TBC1D32: variants seen among roughly 807,000 people sequenced by gnomAD.
TBC1D32 encodes the protein TBC1 domain family member 32.
In TBC1D32, 151 loss-of-function variants were observed where a neutral mutation model predicts 170.3. The ratio of observed to expected loss-of-function variants is 0.89; its 90% CI spans 0.78 to 1.01. The LOEUF is 1.01. Ranked by LOEUF, TBC1D32 falls within the 50% of genes least tolerant of loss-of-function variation. The pLI is 0.00. For synonymous variants in TBC1D32, 498 were observed against 488.0 expected (o/e 1.02, Z -0.27); for missense variants, 1,464 against 1,457.1 (o/e 1.00, Z -0.08).
chr6:121,111,959 C>G (rs1384575103), intron 29 of TBC1D32, among the ~76,000 whole-genome samples: 1 of 152,012 alleles, frequency 6.6e-6, no homozygotes, highest in Admixed American at 6.6e-5. Flanking sequence ...ATAAAATAAA[C>G]ATAAACATTA....
intron 30 of TBC1D32, among the ~76,000 whole-genome samples, chr6:121,103,389 G>T (rs535262534): frequency 6.6e-6 from 1 of 152,036 alleles, no homozygotes; most frequent in African/African-American, 2.4e-5. Flanking sequence ...ATATACCATG[G>T]AATACTATGC....
At chr6:121,244,892 C>T (rs554788302) in intron 17 of TBC1D32, among the ~76,000 whole-genome samples, 7 of 152,296 alleles carry the variant, frequency 4.6e-5, no homozygotes, top group African/African-American at 1.7e-4. Context: ...CCTTGCCCAT[C>T]ACCTAAGAAA....
chr6:121,202,475 C>T (rs552482303), intron 22 of TBC1D32, among the ~76,000 whole-genome samples: 6 of 151,060 alleles, frequency 4.0e-5, no homozygotes, highest in Admixed American at 2.0e-4. Context: ...AGTGATCTAG[C>T]GATGAGCAGG....
At chr6:121,208,217 C>T (rs6925054) in intron 21 of TBC1D32, among the ~76,000 whole-genome samples, 146,353 of 152,066 alleles carry the variant, frequency 0.96, 70,686 homozygotes, top group East Asian at 1. Context: ...TATGTATTAG[C>T]CCATTCTCAC....
At chr6:121,094,936 A>G (rs1485903404) in intron 30 of TBC1D32, among the ~76,000 whole-genome samples, 1 of 130,760 alleles carries the variant, frequency 7.6e-6, no homozygotes, top group Non-Finnish European at 1.6e-5. Flanking sequence ...GTTAAACAAT[A>G]AATAGACATG....
intron 26 of TBC1D32, among the ~76,000 whole-genome samples, chr6:121,118,965 T>C (rs564190191): frequency 6.6e-6 from 1 of 152,274 alleles, no homozygotes; most frequent in Non-Finnish European, 1.5e-5. Flanking sequence ...ATTATGCAAT[T>C]ACCCCTGCCT....
intron 26 of TBC1D32, among the ~76,000 whole-genome samples, chr6:121,120,123 T>C (rs1057493250): frequency 2.6e-5 from 4 of 152,078 alleles, no homozygotes; most frequent in African/African-American, 9.7e-5. Context: ...GCTCAGTATA[T>C]CAAAATAATA....
intron 22 of TBC1D32, among the ~76,000 whole-genome samples, chr6:121,195,677 C>CA (rs1222186162): frequency 2.0e-5 from 3 of 152,308 alleles, no homozygotes; most frequent in African/African-American, 7.2e-5. Context: ...CCCCAGCTTG[C>CA]ACAGATGGCC....
At chr6:121,091,647 C>T (rs1291893389) in intron 30 of TBC1D32, among the ~76,000 whole-genome samples, 1 of 151,918 alleles carries the variant, frequency 6.6e-6, no homozygotes, top group East Asian at 1.9e-4. Flanking sequence ...CAATGCGTGC[C>T]CACTGTGGAA....
chr6:121,182,396 A>G (rs943253345), intron 22 of TBC1D32, among the ~76,000 whole-genome samples: 1 of 152,108 alleles, frequency 6.6e-6, no homozygotes, highest in Non-Finnish European at 1.5e-5. Context: ...GGTATGCAAC[A>G]AATGAACAAA....
chr6:121,162,726 T>C (rs1222846161), intron 22 of TBC1D32, among the ~76,000 whole-genome samples: 4 of 151,926 alleles, frequency 2.6e-5, no homozygotes, highest in Non-Finnish European at 4.4e-5. Context: ...AGAGCCAAGA[T>C]GGCCGAATAG....
intron 15 of TBC1D32, among the ~76,000 whole-genome samples, chr6:121,271,714 A>T (rs1333196708): frequency 6.6e-6 from 1 of 152,208 alleles, no homozygotes; most frequent in East Asian, 1.9e-4. Flanking sequence ...ATTCAATGCC[A>T]TCCCCATCAA....
At chr6:121,274,552 G>A (rs951669270) in intron 15 of TBC1D32, among the ~76,000 whole-genome samples, 9 of 150,488 alleles carry the variant, frequency 6.0e-5, no homozygotes, top group Admixed American at 4.0e-4. Context: ...TCCCTAAAAG[G>A]CATGAATCTT....
rs1390473384 is a variant in TBC1D32 at position 121,170,296 on chromosome 6, G to C, written c.2571-9240C>G. 4.6e-6 allele frequency: 5 copies of C among 1,085,310 alleles called. No homozygotes were observed. In the Admixed American group the frequency reaches 9.8e-5, roughly 21 times the overall value. 67.2% of individuals were successfully genotyped at this position (1,085,310 alleles called of 1,614,324 possible). On this transcript the variant is annotated intron_variant, in intron 22 of 31. Coordinates refer to ENST00000398212, the MANE Select transcript of TBC1D32 (RefSeq NM_152730.6). ...TTGTATTCTGTTATTTAAATTGATT[G>C]AATTTAGAAAGCAGAAAAACATTAA...
Position 121,129,067 on chromosome 6 carries a change from C to T in TBC1D32, c.2899+2560G>A, listed in dbSNP as rs1781151676. Among the ~76,000 whole-genome samples, 2 of 152,084 alleles carry T rather than the reference C, an allele frequency of 1.3e-5. 1 individual carries two copies. The highest frequency in any genetic ancestry group is 4.1e-4 in the South Asian group (2 of 4,822). ...TTACAAGACACTGAATCTGCTCTTGCCTTGATCTTGGTGTTCCCTGCCTCC... is the reference window on the plus strand; with the variant it reads ...TTACAAGACACTGAATCTGCTCTTGTCTTGATCTTGGTGTTCCCTGCCTCC... On this transcript the variant is annotated intron_variant, in intron 25 of 31. Coordinates refer to ENST00000398212, the MANE Select transcript of TBC1D32 (RefSeq NM_152730.6).
chr6:121,179,296 TTGTG>T (rs57769629), intron 22 of TBC1D32, among the ~76,000 whole-genome samples: 5 of 147,984 alleles, frequency 3.4e-5, no homozygotes, highest in Admixed American at 2.7e-4. Flanking sequence ...TATGTATAGT[TTGTG>T]TGTGTGTGTG....
chr6:121,119,196 C>T (rs1424597176), intron 26 of TBC1D32, among the ~76,000 whole-genome samples: 1 of 152,128 alleles, frequency 6.6e-6, no homozygotes, highest in Non-Finnish European at 1.5e-5. Context: ...AGCACATTGC[C>T]TGAAACCAAG....
chr6:121,304,891 G>T, intron 5 of TBC1D32, 58 bp from the exon 6 acceptor site: 3 of 1,150,538 alleles, frequency 2.6e-6, no homozygotes, highest in Non-Finnish European at 3.8e-6. Context: ...GAATAGAGAT[G>T]AAACATTTTT....
chr6:121,294,463 AAT>A, intron 11 of TBC1D32, 105 bp downstream of exon 11: 1 of 725,618 alleles, frequency 1.4e-6, no homozygotes, highest in Non-Finnish European at 2.3e-6. Context: ...AAAGTGACCT[AAT>A]TTACCATACT....
Sources: allele counts gnomAD v4.1 joint callset (sites outside exome capture counted in the v4.1 genomes callset), GRCh38; gene constraint gnomAD v4.1.1; transcripts MANE v1.5; gene names NCBI Gene and HGNC (gene_info 2026-07-23, HGNC 2026-07-21).